Variants in IDH1 observed in about 807,000 individuals in gnomAD.
IDH1 encodes the protein isocitrate dehydrogenase [NADP] cytoplasmic.
IDH1 carries 33 observed loss-of-function variants against 46.1 expected under a neutral mutation model. The ratio of observed to expected loss-of-function variants is 0.72; its 90% CI spans 0.54 to 0.96. The LOEUF is 0.96. IDH1 is among the 40% of genes least tolerant of loss of function. The pLI is 0.00. For synonymous variants in IDH1, 144 were observed against 172.8 expected (o/e 0.83, Z 1.31); for missense variants, 421 against 515.7 (o/e 0.82, Z 1.78).
chr2:208,236,836 AT>A lies in IDH1; in HGVS notation c.*242del, dbSNP rs1687820594. On this transcript the variant is annotated 3_prime_UTR_variant, in exon 10 of 10. Transcript: ENST00000345146. The stretch of plus-strand genomic sequence containing the variant: ...GTGAATACAAATGAGTACTAACCGA[AT>A]TCCTAGGCTGGTACTAGAAAATAAA... 2.0e-6 allele frequency: 1 copy of A among 502,366 alleles called. No individual in the cohort carries two copies. Among genetic ancestry groups the A allele is most frequent in the African/African-American group, 1.9e-5 (1 of 52,138 alleles). The allele number at this position is 502,366 out of a possible 1,614,324, so 31.1% of individuals were successfully genotyped here.
chr2:208,246,939 T>C (rs931817688), intron 4 of IDH1, among the ~76,000 whole-genome samples: 33 of 152,032 alleles, frequency 2.2e-4, no homozygotes, highest in Non-Finnish European at 7.4e-5. Flanking sequence ...CGAGACTCTG[T>C]CTCAAAAACA....
At chr2:208,242,228 A>G (rs1574404247) in intron 6 of IDH1, 83 bp from the exon 7 acceptor site, 6 of 1,262,432 alleles carry the variant, frequency 4.8e-6, no homozygotes, top group Middle Eastern at 2.3e-4. Context: ...CAAACAGAAG[A>G]CCGGACACAC....
At chr2:208,251,116 C>T (rs1688114102) in intron 3 of IDH1, 3 of 193,240 alleles carry the variant, frequency 1.6e-5, no homozygotes, top group South Asian at 2.7e-4. Flanking sequence ...TTAGAAGATT[C>T]ATCTGAATAT....
chr2:208,239,911 G>A lies in IDH1; in HGVS notation c.943C>T (p.His315Tyr). Residue 315 changes from histidine (H) to tyrosine (Y), a missense_variant, in exon 8 of 10, where the codon CAC (histidine) becomes TAC (tyrosine). By Grantham distance (83) the His-to-Tyr change is moderately conservative. Transcript: ENST00000345146. ...AEAAHGTVTR[H>Y]YRMYQKGQET... ...TGTCCTTTCTGGTACATGCGGTAGT[G>A]ACGGGTTACAGTCCCGTGGGCAGCC... is the stretch of plus-strand genomic sequence containing the variant. 4 of 1,614,076 alleles carry A rather than the reference G, an allele frequency of 2.5e-6. No individual in the cohort carries two copies. Among genetic ancestry groups the A allele is most frequent in the Non-Finnish European group, 3.4e-6 (4 of 1,179,948 alleles).
intron 3 of IDH1, chr2:208,251,228 TC>T (rs1688116479): frequency 4.2e-6 from 2 of 479,760 alleles, no homozygotes; most frequent in Admixed American, 3.8e-5. Flanking sequence ...TTTTTTTTTT[TC>T]CTGTTTCTCC....
chr2:208,244,363 A>G (rs1687978676), intron 5 of IDH1, among the ~76,000 whole-genome samples: 1 of 152,226 alleles, frequency 6.6e-6, no homozygotes, highest in African/African-American at 2.4e-5. Flanking sequence ...AAGAATGGAC[A>G]AACACCCTAC....
chr2:208,246,042 C>T (rs1192362437), intron 4 of IDH1, among the ~76,000 whole-genome samples: 4 of 152,134 alleles, frequency 2.6e-5, no homozygotes, highest in East Asian at 1.9e-4. Flanking sequence ...CTTGAGGTCT[C>T]GTCCTTACTT....
chr2:208,236,741 G>A lies in IDH1; in HGVS notation c.*338C>T, dbSNP rs1687819072. 1 of 354,042 alleles carries A rather than the reference G, an allele frequency of 2.8e-6. No individual in the cohort carries two copies. Among genetic ancestry groups the A allele is most frequent in the African/African-American group, 2.1e-5 (1 of 47,902 alleles). The allele number at this position is 354,042 out of a possible 1,614,324, so 21.9% of individuals were successfully genotyped here. On this transcript the variant is annotated 3_prime_UTR_variant, in exon 10 of 10. Transcript: ENST00000345146. ...TGCATATTTTAGGGAGCAATACTGTGGCTATCATTTACCCTTTTGAGCAAT... is the reference window on the plus strand; with the variant it reads ...TGCATATTTTAGGGAGCAATACTGTAGCTATCATTTACCCTTTTGAGCAAT...
intron 7 of IDH1, among the ~76,000 whole-genome samples, chr2:208,241,171 A>G (rs997633405): frequency 6.6e-6 from 1 of 152,124 alleles, no homozygotes; most frequent in Non-Finnish European, 1.5e-5. Flanking sequence ...AACAGCCCCT[A>G]GGGTTCTTTG....
chr2:208,237,506 C>T (rs1220264389), intron 9 of IDH1, among the ~76,000 whole-genome samples: 1 of 152,166 alleles, frequency 6.6e-6, no homozygotes, highest in Non-Finnish European at 1.5e-5. Flanking sequence ...ACTTCTTCCT[C>T]ATTCTTAAAC....
intron 2 of IDH1, among the ~76,000 whole-genome samples, chr2:208,253,468 C>A (rs529051699): frequency 6.6e-6 from 1 of 152,186 alleles, no homozygotes; most frequent in Non-Finnish European, 1.5e-5. Flanking sequence ...TGTCTCCAAC[C>A]CAATCCCAAC....
At chr2:208,253,790 C>G (rs1490383354) in intron 2 of IDH1, 96 bp downstream of exon 2, 1 of 152,204 alleles carries the variant, frequency 6.6e-6, no homozygotes, top group African/African-American at 2.4e-5. Flanking sequence ...CACTCATTCC[C>G]TTGCAGTGCC....
chr2:208,238,926 ACTAT>A (rs1240778341), intron 9 of IDH1, 141 bp downstream of exon 9: 2 of 756,574 alleles, frequency 2.6e-6, no homozygotes, highest in Non-Finnish European at 4.5e-6. Context: ...TAAAATGTTC[ACTAT>A]CTGACAATTT....
At chr2:208,244,435 A>G (rs1025607182) in intron 5 of IDH1, among the ~76,000 whole-genome samples, 4 of 152,260 alleles carry the variant, frequency 2.6e-5, no homozygotes, top group African/African-American at 9.6e-5. Context: ...AGTTATTGAG[A>G]AAAACTTAAA....
intron 8 of IDH1, 121 bp downstream of exon 8, chr2:208,239,742 T>A (rs1403088837): frequency 2.2e-6 from 2 of 923,136 alleles, no homozygotes; most frequent in African/African-American, 3.2e-5. Context: ...ATCTTACTAG[T>A]AGAACAAATC....
At chr2:208,237,202 T>C (rs1201251737) in intron 9 of IDH1, 33 bp from the exon 10 acceptor site, 2 of 1,187,360 alleles carry the variant, frequency 1.7e-6, no homozygotes, top group African/African-American at 3.0e-5. Context: ...GAAAATTTAG[T>C]TGGTCTCTGA....
In IDH1 at chr2:208,236,445, T is replaced by C; in HGVS notation, c.*634A>G. On this transcript the variant is annotated 3_prime_UTR_variant, in exon 10 of 10. Coordinates refer to ENST00000345146, the MANE Select transcript of IDH1 (RefSeq NM_005896.4). ...CAGGCCAGGAGGAGAAAGAGAAAAA[T>C]GGAGAGGACAAACCTCCAGGTAGTA... 1 of 232,304 alleles carries C rather than the reference T, an allele frequency of 4.3e-6. No individual in the cohort carries two copies. Among genetic ancestry groups the C allele is most frequent in the Non-Finnish European group, 8.5e-6 (1 of 117,448 alleles). 14.4% of individuals were successfully genotyped at this position (232,304 alleles called of 1,614,324 possible).
chr2:208,251,800 T>C (rs1361148842), intron 2 of IDH1, among the ~76,000 whole-genome samples: 1 of 152,156 alleles, frequency 6.6e-6, no homozygotes. Context: ...GTTTCTGAGC[T>C]AGCCCTCATA....
At chr2:208,237,897 G>C (rs1687843249) in intron 9 of IDH1, among the ~76,000 whole-genome samples, 1 of 151,378 alleles carries the variant, frequency 6.6e-6, no homozygotes, top group African/African-American at 2.4e-5. Flanking sequence ...CTGCACTCCA[G>C]CCTGGGCAAA....
Sources: gnomAD v4.1 joint callset for allele counts (sites outside exome capture counted in the v4.1 genomes callset) on GRCh38, gnomAD v4.1.1 for gene constraint, MANE v1.5 for transcripts, NCBI Gene and HGNC (gene_info 2026-07-23, HGNC 2026-07-21) for gene names.